ALG14: variants seen among roughly 807,000 people sequenced by gnomAD.
ALG14 encodes UDP-N-acetylglucosamine transferase subunit ALG14.
ALG14 carries 17 observed loss-of-function variants against 22.8 expected under a neutral mutation model. That is an observed-to-expected ratio of 0.75 (90% CI 0.51 to 1.12). ALG14 has a LOEUF of 1.12. Ranked by LOEUF, ALG14 falls within the 50% of genes most tolerant of loss-of-function variation. The pLI is 0.00. For missense variants in ALG14, 288 were observed against 271.8 expected (o/e 1.06, Z -0.42); for synonymous variants, 89 against 103.7 (o/e 0.86, Z 0.86).
intron 3 of ALG14, among the ~76,000 whole-genome samples, chr1:94,996,149 C>T (rs927067244): frequency 3.3e-5 from 5 of 152,196 alleles, no homozygotes; most frequent in Admixed American, 6.5e-5. Flanking sequence ...CACACTTTCA[C>T]GTCACATTCA....
At chr1:95,071,737 C>T (rs1019347792) in intron 1 of ALG14, among the ~76,000 whole-genome samples, 25 of 152,236 alleles carry the variant, frequency 1.6e-4, no homozygotes, top group Middle Eastern at 3.4e-3. Flanking sequence ...TTTCAAGTTT[C>T]AGTTTAGCAT....
At chr1:94,995,267 A>ATG (rs919662167) in intron 3 of ALG14, among the ~76,000 whole-genome samples, 1 of 152,206 alleles carries the variant, frequency 6.6e-6, no homozygotes, top group East Asian at 1.9e-4. Flanking sequence ...GATTCTGTGC[A>ATG]TGTGTGTGTG....
intron 2 of ALG14, among the ~76,000 whole-genome samples, chr1:95,046,720 G>T (rs1298765274): frequency 6.6e-6 from 1 of 152,160 alleles, no homozygotes. Flanking sequence ...ATAACTTACA[G>T]AATAAAATAA....
In ALG14 at chr1:95,005,012, G is replaced by A. The variant is rs578054677; in HGVS notation, c.421-21706C>T. 1.0e-3 allele frequency among the ~76,000 whole-genome samples: 153 copies of A among 152,202 alleles called. 1 individual carries two copies. The highest frequency in any genetic ancestry group is 2.0e-3 in the Admixed American group (30 of 15,284). The stretch of plus-strand genomic sequence containing the variant: ...GTGGAGACTGGGTTTCACCATGTTG[G>A]CAGGAACTCTCCATCTAGCAGTGAC... On this transcript the variant is annotated intron_variant, in intron 3 of 3. Coordinates refer to ENST00000370205, the MANE Select transcript of ALG14 (RefSeq NM_144988.4).
At chr1:95,042,767 C>T (rs1238384503) in intron 2 of ALG14, among the ~76,000 whole-genome samples, 1 of 152,234 alleles carries the variant, frequency 6.6e-6, no homozygotes, top group Non-Finnish European at 1.5e-5. Flanking sequence ...TGTGACTACA[C>T]TTTCACTGGA....
intron 3 of ALG14, among the ~76,000 whole-genome samples, 184 bp downstream of exon 3, chr1:95,026,945 A>G (rs1673837785): frequency 6.6e-6 from 1 of 152,188 alleles, no homozygotes; most frequent in Admixed American, 6.5e-5. Flanking sequence ...TAAAGAACTG[A>G]TATTTATTTC....
intron 2 of ALG14, among the ~76,000 whole-genome samples, chr1:95,030,918 T>C (rs987369615): frequency 1.3e-5 from 2 of 152,100 alleles, no homozygotes; most frequent in African/African-American, 2.4e-5. Context: ...ATATATAAAA[T>C]AGAAAATCAG....
In ALG14 at chr1:95,043,634, GA is replaced by G. The variant is rs1389419023; in HGVS notation, c.289-16375del. Among the ~76,000 whole-genome samples, 4 of 152,116 alleles carry G rather than the reference GA, an allele frequency of 2.6e-5. No individual in the cohort carries two copies. In the South Asian group the frequency reaches 8.3e-4, roughly 32 times the overall value. On this transcript the variant is annotated intron_variant, in intron 2 of 3. Transcript: ENST00000370205. ...AGGATGAGGGAGTGACATTGCAGAG[GA>G]AAGAAAATATAAGTCCTTCAACACT...
At chr1:95,017,621 T>C (rs1673540839) in intron 3 of ALG14, among the ~76,000 whole-genome samples, 1 of 151,564 alleles carries the variant, frequency 6.6e-6, no homozygotes, top group Non-Finnish European at 1.5e-5. Flanking sequence ...AGTTAAAGCA[T>C]GGAAAGAGAC....
chr1:95,004,396 A>AT (rs1315983942), intron 3 of ALG14, among the ~76,000 whole-genome samples: 3 of 151,066 alleles, frequency 2.0e-5, no homozygotes, highest in African/African-American at 7.3e-5. Flanking sequence ...TAATTTTCGT[A>AT]TTTTTAGCAG....
intron 2 of ALG14, among the ~76,000 whole-genome samples, chr1:95,050,483 C>CTTT (rs1674710508): frequency 3.9e-5 from 6 of 152,108 alleles, no homozygotes; most frequent in Admixed American, 1.3e-4. Context: ...GATAGAATAG[C>CTTT]AATATAAACT....
chr1:94,985,822 G>A (rs150841816), intron 3 of ALG14, among the ~76,000 whole-genome samples: 2 of 151,754 alleles, frequency 1.3e-5, no homozygotes, highest in East Asian at 1.9e-4. Flanking sequence ...TCTTGCATCC[G>A]TATATTTGGA....
intron 3 of ALG14, among the ~76,000 whole-genome samples, chr1:95,008,630 G>C (rs1673281908): frequency 6.6e-6 from 1 of 152,068 alleles, no homozygotes; most frequent in Non-Finnish European, 1.5e-5. Context: ...TGGGTAGCAG[G>C]AGAGCTATGG....
At chr1:94,994,191 C>A (rs1490603117) in intron 3 of ALG14, among the ~76,000 whole-genome samples, 3 of 152,212 alleles carry the variant, frequency 2.0e-5, no homozygotes, top group Non-Finnish European at 4.4e-5. Context: ...GAAACCGAAT[C>A]TTTTAGTTTT....
intron 3 of ALG14, among the ~76,000 whole-genome samples, chr1:95,004,185 A>C (rs1673143338): frequency 1.3e-5 from 2 of 150,052 alleles, no homozygotes; most frequent in Admixed American, 1.3e-4. Context: ...CTGAAACTCC[A>C]GCCGCTGACT....
intron 3 of ALG14, among the ~76,000 whole-genome samples, chr1:95,017,376 C>T (rs1436424458): frequency 1.3e-5 from 2 of 151,898 alleles, no homozygotes; most frequent in African/African-American, 4.8e-5. Flanking sequence ...AATGGCAAAA[C>T]TGGTGAAAAT....
At chr1:95,057,582 G>A (rs1329622831) in intron 2 of ALG14, among the ~76,000 whole-genome samples, 3 of 148,444 alleles carry the variant, frequency 2.0e-5, no homozygotes, top group Admixed American at 1.3e-4. Context: ...ATGCACACGC[G>A]CACACACACA....
chr1:95,041,760 C>T (rs1571642483), intron 2 of ALG14: 1 of 152,280 alleles, frequency 6.6e-6, no homozygotes, highest in African/African-American at 2.4e-5. Flanking sequence ...GAAGTTAGCA[C>T]CCCACCTTGT....
chr1:95,036,798 A>G (rs1261872460), intron 2 of ALG14, among the ~76,000 whole-genome samples: 1 of 152,202 alleles, frequency 6.6e-6, no homozygotes. Context: ...AGACTAATAC[A>G]GTCCCATGAT....
Sources: allele counts gnomAD v4.1 joint callset (sites outside exome capture counted in the v4.1 genomes callset), GRCh38; gene constraint gnomAD v4.1.1; transcripts MANE v1.5; gene names NCBI Gene and HGNC (gene_info 2026-07-23, HGNC 2026-07-21).